Variants in C2orf15 observed in about 807,000 individuals in gnomAD.
C2orf15 encodes the protein chromosome 2 open reading frame 15, also known as uncharacterized protein C2orf15.
In C2orf15, 3 loss-of-function variants were observed where a neutral mutation model predicts 4.4. That is an observed-to-expected ratio of 0.67 (90% CI 0.31 to 1.74). The LOEUF (loss-of-function observed/expected upper bound fraction) is 1.74. Among genes scored for constraint, C2orf15 ranks in the 40% most tolerant of loss-of-function variants. The pLI is 0.09. For missense variants in C2orf15, 90 were observed against 103.3 expected (o/e 0.87, Z 0.56); for synonymous variants, 37 against 36.8 (o/e 1.00, Z -0.02).
intron 3 of C2orf15, 128 bp from the exon 4 acceptor site, chr2:99,150,355 C>T: frequency 1.8e-6 from 1 of 550,430 alleles, no homozygotes; most frequent in Non-Finnish European, 3.1e-6. Context: ...AATGTAAACA[C>T]TGAAAGGTAG....
chr2:99,144,145 C>T (rs535999522), intron 2 of C2orf15, among the ~76,000 whole-genome samples: 8 of 152,222 alleles, frequency 5.3e-5, no homozygotes, highest in African/African-American at 1.4e-4. Flanking sequence ...CTCAGCCTCC[C>T]GAGCAGCTGG....
chr2:99,147,322 A>C, intron 2 of C2orf15, 80 bp from the exon 3 acceptor site: 1 of 780,752 alleles, frequency 1.3e-6, no homozygotes, highest in Admixed American at 2.1e-5. Flanking sequence ...CTTAATATCT[A>C]GTAAAGAAAG....
intron 2 of C2orf15, 51 bp from the exon 3 acceptor site, chr2:99,147,351 C>A: frequency 9.8e-7 from 1 of 1,016,376 alleles, no homozygotes; most frequent in Non-Finnish European, 1.5e-6. Flanking sequence ...TTCTTTTTCT[C>A]CAGATTGATT....
chr2:99,147,920 T>TAACCACAATATATAACCACA (rs2093648802), intron 3 of C2orf15, among the ~76,000 whole-genome samples: 1 of 152,206 alleles, frequency 6.6e-6, no homozygotes, highest in African/African-American at 2.4e-5. Context: ...ACAATACAAT[T>TAACCACAATATATAACCACA]ATCATATTCA....
At chr2:99,149,740 C>CCGAT (rs941542122) in intron 3 of C2orf15, among the ~76,000 whole-genome samples, 32 of 149,334 alleles carry the variant, frequency 2.1e-4, no homozygotes, top group Non-Finnish European at 7.4e-5. Context: ...CTGCGCTCGG[C>CCGAT]CGATCATCTC....
Position 99,150,479 on chromosome 2 carries a change from T to TC in C2orf15, c.-76-3dup. On this transcript the variant is annotated splice_region_variant and splice_polypyrimidine_tract_variant and intron_variant, in intron 3 of 3. Transcript: ENST00000650052. ...TCACTTGTTACTTTTTTTTTTTTTT[T>TC]CAGTAATCAAGTTGAAGAAACACTT... 1.4e-6 allele frequency: 2 copies of TC among 1,463,162 alleles called. No homozygotes were observed. Among genetic ancestry groups the TC allele is most frequent in the East Asian group, 4.6e-5 (2 of 43,326 alleles). 90.6% of individuals were successfully genotyped at this position (1,463,162 alleles called of 1,614,324 possible).
At chr2:99,149,949 C>G (rs1034241658) in intron 3 of C2orf15, among the ~76,000 whole-genome samples, 2 of 151,984 alleles carry the variant, frequency 1.3e-5, no homozygotes, top group Non-Finnish European at 2.9e-5. Flanking sequence ...CATGCCACCA[C>G]ACCCAGCTAA....
At chr2:99,143,458 CTT>C (rs772829065) in intron 2 of C2orf15, among the ~76,000 whole-genome samples, 6 of 141,172 alleles carry the variant, frequency 4.3e-5, no homozygotes, top group Admixed American at 7.1e-5. Context: ...TGCGCCCAGA[CTT>C]TTTTTTTTTT....
At chr2:99,149,888 G>A (rs1054416543) in intron 3 of C2orf15, among the ~76,000 whole-genome samples, 1 of 148,978 alleles carries the variant, frequency 6.7e-6, no homozygotes, top group African/African-American at 2.5e-5. Context: ...CGTCTTCCAG[G>A]TTCAAGCTAT....
chr2:99,143,636 A>C (rs924872810), intron 2 of C2orf15, among the ~76,000 whole-genome samples: 1 of 151,120 alleles, frequency 6.6e-6, no homozygotes, highest in Non-Finnish European at 1.5e-5. Context: ...ATGCCCAGCT[A>C]ATTTTTGTAT....
chr2:99,142,180 G>A (rs2093572911), intron 1 of C2orf15, 105 bp from the exon 2 acceptor site: 2 of 152,328 alleles, frequency 1.3e-5, no homozygotes, highest in South Asian at 4.1e-4. Context: ...CCAGAATGGG[G>A]GGGAAAAAAG....
At chr2:99,147,198 C>T in intron 2 of C2orf15, 1 of 401,276 alleles carries the variant, frequency 2.5e-6, no homozygotes, top group Non-Finnish European at 4.4e-6. Flanking sequence ...ATGAGGTCTC[C>T]CTATGTTGCC....
Position 99,150,697 on chromosome 2 carries a change from A to G in C2orf15, c.139A>G (p.Ile47Val). Residue 47 changes from isoleucine (I) to valine (V), a missense_variant, in exon 4 of 4, where the codon ATA (isoleucine) becomes GTA (valine). Ile to Val is a conservative substitution (Grantham distance 29). Coordinates refer to ENST00000650052, the MANE Select transcript of C2orf15 (RefSeq NM_144706.4). The stretch of plus-strand genomic sequence containing the variant: ...TCAGTTATTTCAAAACACCAAGAAA[A>G]TAAGATTAGAAGACACAAATCAAGA... ...ATQLFQNTKK[I>V]RLEDTNQENF... 5.0e-6 allele frequency: 8 copies of G among 1,614,132 alleles called. No individual in the cohort carries two copies. Among genetic ancestry groups the G allele is most frequent in the Non-Finnish European group, 6.8e-6 (8 of 1,179,990 alleles).
intron 2 of C2orf15, among the ~76,000 whole-genome samples, chr2:99,143,305 C>CTT (rs11392712): frequency 2.7e-5 from 4 of 149,392 alleles, no homozygotes; most frequent in Admixed American, 2.0e-4. Flanking sequence ...CTACGCCCAG[C>CTT]TTTTTTTTTG....
chr2:99,149,045 C>T (rs1384852369), intron 3 of C2orf15, among the ~76,000 whole-genome samples: 1 of 151,902 alleles, frequency 6.6e-6, no homozygotes, highest in Non-Finnish European at 1.5e-5. Context: ...GTGGCGGGCA[C>T]CTGTAATCCC....
chr2:99,147,844 C>T (rs1341707219), intron 3 of C2orf15, among the ~76,000 whole-genome samples: 1 of 152,182 alleles, frequency 6.6e-6, no homozygotes, highest in East Asian at 1.9e-4. Context: ...GTTGCAGATA[C>T]AATTCTTCAC....
chr2:99,144,018 CTTTT>C lies in C2orf15; in HGVS notation c.-169+1622_-169+1625del, dbSNP rs36036293. 2.1e-3 allele frequency among the ~76,000 whole-genome samples: 311 copies of C among 151,448 alleles called. 3 individuals are homozygous for C. Among genetic ancestry groups the C allele is most frequent in the African/African-American group, 7.3e-3 (300 of 41,296 alleles). The stretch of plus-strand genomic sequence containing the variant: ...TCCACAGCTCACTGATGCTGTGTTC[CTTTT>C]TTTTGTTTGTTTTTTTGAGATGGAG... On this transcript the variant is annotated intron_variant, in intron 2 of 3. Coordinates refer to ENST00000650052, the MANE Select transcript of C2orf15 (RefSeq NM_144706.4).
chr2:99,143,458 C>CTT (rs772829065), intron 2 of C2orf15, among the ~76,000 whole-genome samples: 5 of 141,200 alleles, frequency 3.5e-5, no homozygotes, highest in Non-Finnish European at 7.8e-5. Flanking sequence ...TGCGCCCAGA[C>CTT]TTTTTTTTTT....
intron 3 of C2orf15, among the ~76,000 whole-genome samples, chr2:99,149,785 CTTTTT>C (rs70940143): frequency 8.9e-6 from 1 of 112,454 alleles, no homozygotes; most frequent in Non-Finnish European, 1.7e-5. Context: ...TCACAAGTAT[CTTTTT>C]TTTTTTTTTT....
Sources: allele counts gnomAD v4.1 joint callset (sites outside exome capture counted in the v4.1 genomes callset), GRCh38; gene constraint gnomAD v4.1.1; transcripts MANE v1.5; gene names NCBI Gene and HGNC (gene_info 2026-07-23, HGNC 2026-07-21).